ARHGEF3: variants seen among roughly 807,000 people sequenced by gnomAD.
The protein encoded by ARHGEF3 is Rho guanine nucleotide exchange factor 3.
A neutral mutation model predicts 63.2 loss-of-function variants in ARHGEF3; 28 were observed. The ratio of observed to expected loss-of-function variants is 0.44; its 90% CI spans 0.33 to 0.61. The LOEUF is 0.61. Among genes scored for constraint, ARHGEF3 ranks in the 20% least tolerant of loss-of-function variants. The pLI, the probability that ARHGEF3 is intolerant of heterozygous loss-of-function variation, is 0.03. For synonymous variants in ARHGEF3, 266 were observed against 254.2 expected (o/e 1.05, Z -0.44); for missense variants, 533 against 659.3 (o/e 0.81, Z 2.10).
At chr3:56,867,178 T>TC (rs1217936328) in intron 4 of ARHGEF3, among the ~76,000 whole-genome samples, 2 of 152,178 alleles carry the variant, frequency 1.3e-5, no homozygotes, top group African/African-American at 2.4e-5. Flanking sequence ...TAAATCCAGT[T>TC]CATGTTTACA....
At chr3:56,962,821 T>C (rs1236777441) in intron 2 of ARHGEF3, among the ~76,000 whole-genome samples, 1 of 152,174 alleles carries the variant, frequency 6.6e-6, no homozygotes, top group Non-Finnish European at 1.5e-5. Context: ...TTCAAGTGTA[T>C]GTGTCTGGAA....
chr3:56,989,167 T>G (rs978075034), intron 2 of ARHGEF3, among the ~76,000 whole-genome samples: 2 of 152,218 alleles, frequency 1.3e-5, no homozygotes, highest in African/African-American at 4.8e-5. Flanking sequence ...GTGGCAAGTC[T>G]CAAGTACCCT....
rs548247352 is a variant in ARHGEF3, at chr3:56,906,175, C to G, written c.130-23821G>C. On this transcript the variant is annotated intron_variant, in intron 3 of 12. Transcript: ENST00000338458. ...ACCGCGCCCAGTCCAATATGGGAGC[C>G]ACGAGGTACATGTGACTGTTTAAAT... is the stretch of plus-strand genomic sequence containing the variant. 4.6e-5 allele frequency among the ~76,000 whole-genome samples: 7 copies of G among 152,198 alleles called. No homozygotes were observed. The South Asian group carries it at 1.5e-3, about 32-fold the overall frequency.
chr3:57,034,792 G>C (rs971993492), intron 2 of ARHGEF3, among the ~76,000 whole-genome samples: 2 of 151,690 alleles, frequency 1.3e-5, no homozygotes, highest in Admixed American at 1.3e-4. Context: ...AAGTAGCTGG[G>C]ACTACAGGCA....
At chr3:56,903,069 T>TACACACAC (rs55802504) in intron 3 of ARHGEF3, among the ~76,000 whole-genome samples, 155 of 148,134 alleles carry the variant, frequency 1.0e-3, no homozygotes, top group Admixed American at 2.7e-3. Flanking sequence ...TCTCTAAACA[T>TACACACAC]ACACACACAC....
At position 56,763,049 on chromosome 3, in the gene ARHGEF3, A is replaced by T. The variant is rs115593276; in HGVS notation, c.205-7898T>A. Reference sequence around the variant, plus strand: ...AATAGGAACTGAGTGCAATTGTTTGACTCCAAAACATGGATTTGGGTGAAG... The same window carrying T: ...AATAGGAACTGAGTGCAATTGTTTGTCTCCAAAACATGGATTTGGGTGAAG... On this transcript the variant is annotated intron_variant, in intron 2 of 9. Coordinates refer to ENST00000296315, the MANE Select transcript of ARHGEF3 (RefSeq NM_019555.3). Among the ~76,000 whole-genome samples the T allele has an allele frequency of 5.8e-3, 885 of 152,190 alleles. 11 individuals carry two copies. Among genetic ancestry groups the T allele is most frequent in the African/African-American group, 0.021 (853 of 41,540 alleles).
In ARHGEF3 at chr3:56,736,875, T is replaced by A. The variant is rs551041227; in HGVS notation, c.1041+310A>T. ...TCAGAGGATAAGGCAGGCGGATCAC[T>A]TGAGCTCAGGAGTTTGAGACCACCC... On this transcript the variant is annotated intron_variant, in intron 8 of 9. Coordinates refer to ENST00000296315, the MANE Select transcript of ARHGEF3 (RefSeq NM_019555.3). 7.0e-4 allele frequency among the ~76,000 whole-genome samples: 106 copies of A among 152,256 alleles called. 1 individual carries two copies. In the South Asian group the frequency reaches 0.017, roughly 24 times the overall value.
chr3:56,815,546 T>C (rs1030009675), intron 4 of ARHGEF3, among the ~76,000 whole-genome samples: 1 of 152,182 alleles, frequency 6.6e-6, no homozygotes, highest in African/African-American at 2.4e-5. Context: ...CATATGCATA[T>C]AGATTCTTTT....
chr3:56,977,264 C>T (rs568061125), intron 2 of ARHGEF3: 6 of 456,706 alleles, frequency 1.3e-5, no homozygotes, highest in African/African-American at 2.0e-5. Flanking sequence ...TTATCAGCTA[C>T]GTGCTACTTA....
At chr3:56,993,779 C>A (rs1351785091) in intron 2 of ARHGEF3, among the ~76,000 whole-genome samples, 3 of 151,550 alleles carry the variant, frequency 2.0e-5, no homozygotes, top group South Asian at 2.1e-4. Flanking sequence ...GATGAAAGCA[C>A]ACTGTAGGCC....
chr3:57,061,425 A>C (rs536089174), intron 1 of ARHGEF3, among the ~76,000 whole-genome samples: 1 of 152,338 alleles, frequency 6.6e-6, no homozygotes, highest in East Asian at 1.9e-4. Flanking sequence ...GGCCTCCCAA[A>C]GTGCCAGCAT....
At chr3:56,936,995 A>G (rs1052973362) in intron 3 of ARHGEF3, among the ~76,000 whole-genome samples, 1 of 152,244 alleles carries the variant, frequency 6.6e-6, no homozygotes, top group Non-Finnish European at 1.5e-5. Flanking sequence ...CTGGGATTAC[A>G]GGCATGAGCC....
chr3:56,843,023 C>A (rs1398957643), intron 4 of ARHGEF3, among the ~76,000 whole-genome samples: 1 of 152,138 alleles, frequency 6.6e-6, no homozygotes, highest in East Asian at 1.9e-4. Context: ...TGAATTATTT[C>A]TCCTTGTAAA....
At chr3:56,996,776 C>T (rs1434978820) in intron 2 of ARHGEF3, among the ~76,000 whole-genome samples, 1 of 152,172 alleles carries the variant, frequency 6.6e-6, no homozygotes, top group Non-Finnish European at 1.5e-5. Context: ...TATGCAGACC[C>T]TATAGCCCAA....
chr3:57,070,984 AAAAG>A (rs199600467), intron 1 of ARHGEF3, among the ~76,000 whole-genome samples: 84 of 148,000 alleles, frequency 5.7e-4, no homozygotes, highest in African/African-American at 1.5e-3. Flanking sequence ...AAAAAAAAAA[AAAAG>A]AAAGAAAGAA....
intron 2 of ARHGEF3, among the ~76,000 whole-genome samples, chr3:56,990,653 T>C (rs531972929): frequency 1.3e-5 from 2 of 152,344 alleles, no homozygotes; most frequent in South Asian, 4.1e-4. Flanking sequence ...TATTGTTAGC[T>C]AATGGATTTC....
At chr3:56,902,597 T>G (rs1332814272) in intron 3 of ARHGEF3, among the ~76,000 whole-genome samples, 2 of 152,164 alleles carry the variant, frequency 1.3e-5, no homozygotes, top group Admixed American at 6.5e-5. Context: ...GTGGGGCCCT[T>G]TGTCCAAAAA....
chr3:56,734,396 G>A (rs2033455545), intron 8 of ARHGEF3, among the ~76,000 whole-genome samples: 1 of 152,170 alleles, frequency 6.6e-6, no homozygotes, highest in African/African-American at 2.4e-5. Context: ...CATAAAGATA[G>A]GAACAACAGA....
chr3:56,845,770 G>A (rs2039468371), intron 4 of ARHGEF3, among the ~76,000 whole-genome samples: 1 of 152,138 alleles, frequency 6.6e-6, no homozygotes, highest in African/African-American at 2.4e-5. Flanking sequence ...TTCACTGCCT[G>A]GAGACTCAAA....
Sources: gnomAD v4.1 joint callset for allele counts (sites outside exome capture counted in the v4.1 genomes callset) on GRCh38, gnomAD v4.1.1 for gene constraint, MANE v1.5 for transcripts, NCBI Gene and HGNC (gene_info 2026-07-23, HGNC 2026-07-21) for gene names.